The following MAGI2 variants were observed in gnomAD, a reference collection of about 807,000 sequenced individuals.
The protein encoded by MAGI2 is membrane associated guanylate kinase, WW and PDZ domain containing 2, also known as membrane-associated guanylate kinase, WW and PDZ domain-containing protein 2.
Under a neutral mutation model 133.3 loss-of-function variants are expected in MAGI2, and 35 were observed. That is an observed-to-expected ratio of 0.26 (90% CI 0.20 to 0.35). The LOEUF is 0.35. Among genes scored for constraint, MAGI2 ranks in the 10% least tolerant of loss-of-function variants. The pLI, the probability that MAGI2 is intolerant of heterozygous loss-of-function variation, is 1.00. For missense variants in MAGI2, 1,636 were observed against 1,863.4 expected (o/e 0.88, Z 2.25); for synonymous variants, 729 against 710.6 (o/e 1.03, Z -0.41).
At chr7:78,992,517 G>T (rs1210575726) in intron 2 of MAGI2, among the ~76,000 whole-genome samples, 1 of 151,540 alleles carries the variant, frequency 6.6e-6, no homozygotes, top group South Asian at 2.1e-4. Flanking sequence ...CAATGAATTT[G>T]GAAGATAAGT....
intron 1 of MAGI2, among the ~76,000 whole-genome samples, chr7:79,232,161 T>G (rs1399773903): frequency 6.6e-6 from 1 of 152,210 alleles, no homozygotes; most frequent in East Asian, 1.9e-4. Context: ...TCATGATGGA[T>G]AAGCTTTTTG....
At chr7:78,495,151 T>C (rs757300140) in intron 5 of MAGI2, among the ~76,000 whole-genome samples, 8 of 152,180 alleles carry the variant, frequency 5.3e-5, no homozygotes, top group Non-Finnish European at 8.8e-5. Flanking sequence ...CTGGGGTACA[T>C]GTGCAGAACG....
chr7:78,181,476 G>C (rs1827182767), intron 13 of MAGI2, among the ~76,000 whole-genome samples: 1 of 152,178 alleles, frequency 6.6e-6, no homozygotes, highest in Admixed American at 6.5e-5. Flanking sequence ...ACACTCTCAG[G>C]TGTCGCTTAA....
At chr7:78,356,996 A>G (rs1792153132) in intron 7 of MAGI2, among the ~76,000 whole-genome samples, 1 of 152,212 alleles carries the variant, frequency 6.6e-6, no homozygotes, top group South Asian at 2.1e-4. Context: ...CAACTGCCTC[A>G]TCTGTAAATA....
intron 6 of MAGI2, among the ~76,000 whole-genome samples, chr7:78,479,617 C>G (rs1325532591): frequency 6.6e-6 from 1 of 151,898 alleles, no homozygotes; most frequent in African/African-American, 2.4e-5. Flanking sequence ...AGGCCAGAAC[C>G]TACATACCAA....
intron 3 of MAGI2, among the ~76,000 whole-genome samples, chr7:78,583,858 G>A (rs574207308): frequency 3.9e-4 from 60 of 152,284 alleles, no homozygotes; most frequent in Admixed American, 1.9e-3. Context: ...CATTTCTCTT[G>A]TCTATGGTAA....
At chr7:78,592,369 A>C (rs968121896) in intron 3 of MAGI2, among the ~76,000 whole-genome samples, 1 of 151,164 alleles carries the variant, frequency 6.6e-6, no homozygotes. Flanking sequence ...AAAGGACCAG[A>C]GAGCAAATAG....
rs76366337 is a variant in MAGI2 at position 79,172,078 on chromosome 7, C to T, written c.302-164872G>A. Among the ~76,000 whole-genome samples, 103 of 151,832 alleles carry T rather than the reference C, an allele frequency of 6.8e-4. 1 individual carries two copies. In the East Asian group the frequency reaches 0.019, roughly 28 times the overall value. On this transcript the variant is annotated intron_variant, in intron 1 of 21. Transcript: ENST00000354212. ...CAAAACTGTGATTCTTGTGCAAGTT[C>T]GATCTCTTCTATTTCTCTTTTGCAG...
intron 3 of MAGI2, among the ~76,000 whole-genome samples, chr7:78,605,792 G>A (rs1436926806): frequency 1.3e-5 from 2 of 152,218 alleles, no homozygotes; most frequent in South Asian, 2.1e-4. Context: ...GAAGGAGTTA[G>A]TGGTTTTCAG....
At position 78,664,690 on chromosome 7, in the gene MAGI2, TA is replaced by T. The variant is rs575693396; in HGVS notation, c.419-37452del. 2.4e-3 allele frequency among the ~76,000 whole-genome samples: 355 copies of T among 149,138 alleles called. 4 individuals are homozygous for T. Among genetic ancestry groups the T allele is most frequent in the African/African-American group, 8.2e-3 (332 of 40,708 alleles). On this transcript the variant is annotated intron_variant, in intron 2 of 21. Transcript: ENST00000354212. ...TACCTTGATTACTACATTTTTTCAATAAAAAATAGCAAAGTATATTAGAAGA... is the reference window on the plus strand; with the variant it reads ...TACCTTGATTACTACATTTTTTCAATAAAAATAGCAAAGTATATTAGAAGA...
chr7:79,292,770 C>CAAAAAAAA (rs199933554), intron 1 of MAGI2, among the ~76,000 whole-genome samples: 2,298 of 57,330 alleles, frequency 0.04, 767 homozygotes, highest in Non-Finnish European at 0.053. Flanking sequence ...TCAATTTCTG[C>CAAAAAAAA]AAAAAAAAAA....
chr7:79,394,913 CA>C (rs1451304879), intron 1 of MAGI2, among the ~76,000 whole-genome samples: 1 of 152,178 alleles, frequency 6.6e-6, no homozygotes, highest in African/African-American at 2.4e-5. Context: ...CTATAAATAT[CA>C]GTCCTTTGAA....
At chr7:78,807,013 A>G (rs1788636330) in intron 2 of MAGI2, among the ~76,000 whole-genome samples, 1 of 152,058 alleles carries the variant, frequency 6.6e-6, no homozygotes, top group Non-Finnish European at 1.5e-5. Context: ...ACTTAGGACA[A>G]ACTATGGAGA....
At chr7:78,726,001 A>T (rs1162396456) in intron 2 of MAGI2, among the ~76,000 whole-genome samples, 2 of 152,208 alleles carry the variant, frequency 1.3e-5, no homozygotes, top group Non-Finnish European at 1.5e-5. Flanking sequence ...GCTCAAAAAA[A>T]ATGTTAAATT....
intron 2 of MAGI2, among the ~76,000 whole-genome samples, chr7:78,990,961 T>C (rs1298756925): frequency 6.9e-6 from 1 of 145,346 alleles, no homozygotes; most frequent in Non-Finnish European, 1.5e-5. Flanking sequence ...GTTTGGCTTT[T>C]TGTCCCCACC....
At chr7:79,339,464 G>GTTTTTTTTTT (rs71095397) in intron 1 of MAGI2, among the ~76,000 whole-genome samples, 13 of 134,544 alleles carry the variant, frequency 9.7e-5, no homozygotes, top group South Asian at 4.7e-4. Flanking sequence ...TTTTGTTTTT[G>GTTTTTTTTTT]TTTTTTTTTT....
intron 1 of MAGI2, among the ~76,000 whole-genome samples, chr7:79,126,249 G>A (rs551802360): frequency 2.4e-4 from 36 of 152,284 alleles, no homozygotes; most frequent in African/African-American, 7.5e-4. Context: ...ACACTATTTC[G>A]TTTCCTCCTA....
intron 2 of MAGI2, among the ~76,000 whole-genome samples, chr7:78,906,698 G>T (rs1209444805): frequency 6.7e-6 from 1 of 148,954 alleles, no homozygotes; most frequent in East Asian, 2.0e-4. Context: ...TAGCCAAGCA[G>T]GTAGTGCTAT....
At position 78,712,612 on chromosome 7, in the gene MAGI2, T is replaced by A. The variant is rs568759512; in HGVS notation, c.419-85373A>T. Among the ~76,000 whole-genome samples the A allele has an allele frequency of 2.2e-4, 33 of 152,258 alleles. No homozygotes were observed. The South Asian group carries it at 6.6e-3, about 31-fold the overall frequency. On this transcript the variant is annotated intron_variant, in intron 2 of 21. Coordinates refer to ENST00000354212, the MANE Select transcript of MAGI2 (RefSeq NM_012301.4). The stretch of plus-strand genomic sequence containing the variant: ...GATCTTAAAAAGAAGTAGAGTTTCA[T>A]CAAAATATACAAAAGAGTAAAGGGC...
Sources: allele counts gnomAD v4.1 joint callset (sites outside exome capture counted in the v4.1 genomes callset), GRCh38; gene constraint gnomAD v4.1.1; transcripts MANE v1.5; gene names NCBI Gene and HGNC (gene_info 2026-07-23, HGNC 2026-07-21).